DOP1B: variants seen among roughly 807,000 people sequenced by gnomAD.
DOP1B encodes the protein DOP1 leucine zipper like protein B.
Under a neutral mutation model 233.5 loss-of-function variants are expected in DOP1B, and 174 were observed. The ratio of observed to expected loss-of-function variants is 0.75; its 90% CI spans 0.66 to 0.85. DOP1B has a LOEUF of 0.85. Ranked by LOEUF, DOP1B falls within the 40% of genes least tolerant of loss-of-function variation. The pLI is 0.00. For missense variants in DOP1B, 2,652 were observed against 2,846.6 expected (o/e 0.93, Z 1.56); for synonymous variants, 1,190 against 1,185.6 (o/e 1.00, Z -0.08).
intron 35 of DOP1B, among the ~76,000 whole-genome samples, chr21:36,290,069 G>T (rs12152074): frequency 0.056 from 8,592 of 152,238 alleles, 275 homozygotes; most frequent in Middle Eastern, 0.099. Context: ...CAGTGAGTCA[G>T]TAGAGGCTCT....
At chr21:36,197,499 G>A (rs961971866) in intron 2 of DOP1B, among the ~76,000 whole-genome samples, 6 of 152,256 alleles carry the variant, frequency 3.9e-5, no homozygotes, top group South Asian at 2.1e-4. Flanking sequence ...CCAACTGCCC[G>A]CTTTGTTCTA....
chr21:36,248,299 C>T, intron 20 of DOP1B, 81 bp from the exon 21 acceptor site: 3 of 1,468,868 alleles, frequency 2.0e-6, no homozygotes, highest in Non-Finnish European at 2.8e-6. Context: ...CAGACCTAAT[C>T]CCGCTAGCAC....
At chr21:36,227,340 G>A (rs1025162987) in intron 12 of DOP1B, among the ~76,000 whole-genome samples, 6 of 152,030 alleles carry the variant, frequency 3.9e-5, no homozygotes, top group South Asian at 2.1e-4. Flanking sequence ...AAAGTCAGGA[G>A]ATCGAGACCA....
intron 2 of DOP1B, among the ~76,000 whole-genome samples, chr21:36,187,006 A>G (rs1434090523): frequency 6.6e-6 from 1 of 151,916 alleles, no homozygotes; most frequent in Non-Finnish European, 1.5e-5. Flanking sequence ...CATTCCCTCC[A>G]CAGCAGAGCC....
At position 36,214,453 on chromosome 21, in the gene DOP1B, G is replaced by A. The variant is rs367977089; in HGVS notation, c.1026G>A (p.Glu342=). The A allele has an allele frequency of 4.3e-6, 7 of 1,612,498 alleles. No homozygotes were observed. The highest frequency in any genetic ancestry group is 2.7e-5 in the African/African-American group (2 of 74,916). Residue 342 remains glutamate, a synonymous_variant, in exon 9 of 37, where the codon GAG becomes GAA. Transcript: ENST00000691173. ...TTTTTAAATAATAGGGTTTGGCTGA[G>A]ATATTGCATCAGAAGTTCATAGATG... ...SKDLLVEGLA[E]ILHQKFIDAD...
intron 2 of DOP1B, among the ~76,000 whole-genome samples, chr21:36,193,742 G>C (rs150699021): frequency 6.6e-6 from 1 of 152,092 alleles, no homozygotes; most frequent in East Asian, 1.9e-4. Context: ...GTGGAATTGC[G>C]GGGAGCCCGA....
intron 23 of DOP1B, among the ~76,000 whole-genome samples, chr21:36,256,620 G>A (rs777061805): frequency 6.6e-6 from 1 of 152,190 alleles, no homozygotes; most frequent in Non-Finnish European, 1.5e-5. Flanking sequence ...CGTGCAGCGC[G>A]TTAGTACTCA....
chr21:36,170,308 C>A, intron 2 of DOP1B: 1 of 304,128 alleles, frequency 3.3e-6, no homozygotes, highest in South Asian at 3.1e-5. Flanking sequence ...GAAGAAATTT[C>A]TATTCTAGGC....
chr21:36,276,908 A>G (rs112243387), intron 27 of DOP1B, 113 bp from the exon 28 acceptor site: 37,729 of 946,046 alleles, frequency 0.04, 994 homozygotes, highest in Non-Finnish European at 0.046. Flanking sequence ...ATATGGACAC[A>G]ATTGGTATGA....
chr21:36,264,270 A>G (rs2067208655), intron 26 of DOP1B, among the ~76,000 whole-genome samples: 1 of 152,238 alleles, frequency 6.6e-6, no homozygotes, highest in South Asian at 2.1e-4. Flanking sequence ...AAGTACAAAA[A>G]TTAGCCTAGT....
At chr21:36,274,093 A>T (rs1245119939) in intron 27 of DOP1B, among the ~76,000 whole-genome samples, 1 of 152,078 alleles carries the variant, frequency 6.6e-6, no homozygotes, top group African/African-American at 2.4e-5. Flanking sequence ...AAGAAAGCAC[A>T]CTAAGGAGCT....
intron 27 of DOP1B, among the ~76,000 whole-genome samples, chr21:36,275,668 C>G (rs907959674): frequency 3.9e-5 from 6 of 151,966 alleles, no homozygotes; most frequent in African/African-American, 1.4e-4. Flanking sequence ...GCCAGCACCC[C>G]ACCTGGGAAC....
In DOP1B at chr21:36,245,111, A is replaced by C; in HGVS notation, c.3131A>C (p.Glu1044Ala). ...TTCAGAGAGGCATGCGCAGTGCCCG[A>C]GCCTCAGGAGAGCGGCTCTGAAGAG... The part of the protein sequence containing the change: ...TSFREACAVP[E>A]PQESGSEEHL... Residue 1044 changes from glutamate (E) to alanine (A), a missense_variant, in exon 19 of 37, where the codon GAG becomes GCG. Physicochemically the swap from Glu to Ala is moderately radical, Grantham distance 107 (BLOSUM62 -1). This residue lies in a region of DOP1B where 2,617 missense variants were observed against 2,794.3 expected (regional missense o/e 0.94). Coordinates refer to ENST00000691173, the MANE Select transcript of DOP1B (RefSeq NM_001320714.2). The surrounding 1 kb of genome is among the most constrained non-coding windows in gnomAD (Gnocchi z 5.5). 2 of 1,613,488 alleles carry C rather than the reference A, an allele frequency of 1.2e-6. No individual in the cohort carries two copies. Among genetic ancestry groups the C allele is most frequent in the Non-Finnish European group, 1.7e-6 (2 of 1,179,634 alleles).
In DOP1B at chr21:36,223,267, C is replaced by T. The variant is rs999163390; in HGVS notation, c.1287C>T (p.Val429=). The T allele has an allele frequency of 1.2e-6, 2 of 1,608,298 alleles. No homozygotes were observed. The highest frequency in any genetic ancestry group is 1.3e-5 in the African/African-American group (1 of 74,688). Residue 429 remains valine (V), a synonymous_variant, in exon 11 of 37, where the codon GTC becomes GTT. Coordinates refer to ENST00000691173, the MANE Select transcript of DOP1B (RefSeq NM_001320714.2). ...AAAACAGAAATGCCTCTGAGATTGT[C>T]AAAACGGTAAATTTGCTGATAACTT... ...IKENRNASEI[V]KTVNLLITSL...
intron 1 of DOP1B, 42 bp downstream of exon 1, chr21:36,156,985 C>T (rs1375508920): frequency 6.6e-6 from 1 of 152,248 alleles, no homozygotes; most frequent in Non-Finnish European, 1.5e-5. Context: ...AGTCCTCAGC[C>T]GCTGGGCGAA....
intron 21 of DOP1B, among the ~76,000 whole-genome samples, chr21:36,249,712 C>T (rs1207326595): frequency 1.3e-5 from 2 of 152,168 alleles, no homozygotes; most frequent in African/African-American, 4.8e-5. Flanking sequence ...CGGTCGCTCA[C>T]CATCTGTGTT....
chr21:36,293,580 G>T lies in DOP1B; in HGVS notation c.*9G>T. On this transcript the variant is annotated 3_prime_UTR_variant, in exon 37 of 37. Coordinates refer to ENST00000691173, the MANE Select transcript of DOP1B (RefSeq NM_001320714.2). ...AACATCCAGAATGTTAACCATGTGA[G>T]AGAGAATATGTTTAATCCATGTATT... 2 of 1,613,500 alleles carry T rather than the reference G, an allele frequency of 1.2e-6. No individual in the cohort carries two copies. Among genetic ancestry groups the T allele is most frequent in the Non-Finnish European group, 1.7e-6 (2 of 1,179,520 alleles).
intron 26 of DOP1B, among the ~76,000 whole-genome samples, chr21:36,265,830 G>A (rs950676100): frequency 1.3e-5 from 2 of 152,132 alleles, no homozygotes; most frequent in Non-Finnish European, 2.9e-5. Context: ...CCACACTCTC[G>A]TAACATAGAA....
chr21:36,257,655 A>G (rs1416403250), intron 23 of DOP1B, among the ~76,000 whole-genome samples: 2 of 126,572 alleles, frequency 1.6e-5, no homozygotes, highest in Non-Finnish European at 3.3e-5. Flanking sequence ...TAGTTAGGTA[A>G]ATAGATAGAT....
Sources: allele counts gnomAD v4.1 joint callset (sites outside exome capture counted in the v4.1 genomes callset), GRCh38; gene constraint gnomAD v4.1.1; regional missense constraint gnomAD v4.1.1; non-coding constraint Gnocchi (gnomAD v3.1); transcripts MANE v1.5; gene names NCBI Gene and HGNC (gene_info 2026-07-23, HGNC 2026-07-21).